KLF16: variants seen among roughly 807,000 people sequenced by gnomAD.
KLF16 encodes Krueppel-like factor 16.
In KLF16, 6 loss-of-function variants were observed where a neutral mutation model predicts 6.1. The observed-to-expected ratio is 0.98, with a 90% CI of 0.54 to 1.93. The LOEUF is 1.93. KLF16 is among the 30% of genes most tolerant of loss of function. The probability of loss-of-function intolerance (pLI) is 0.01; values close to 1 mark genes in which losing one functional copy is unlikely to be tolerated. For missense variants in KLF16, 355 were observed against 363.8 expected (o/e 0.98, Z 0.20); for synonymous variants, 211 against 176.5 (o/e 1.20, Z -1.55).
the KLF16 span, among the ~76,000 whole-genome samples, chr19:1,869,357 G>A: frequency 6.6e-6 from 1 of 152,260 alleles, no homozygotes; most frequent in African/African-American, 2.4e-5. Context: ...GTGGGCGCCT[G>A]TAATCCCAGC....
At chr19:1,873,512 G>A in the KLF16 span, among the ~76,000 whole-genome samples, 1 of 151,856 alleles carries the variant, frequency 6.6e-6, no homozygotes, top group African/African-American at 2.4e-5. Context: ...GTCACCCAGG[G>A]CCCCGTGCTG....
At chr19:1,864,629 G>T (rs1040013566), upstream of KLF16, among the ~76,000 whole-genome samples, 7 of 152,156 alleles carry the variant, frequency 4.6e-5, no homozygotes, top group African/African-American at 1.7e-4. Flanking sequence ...TCCCCGCCCT[G>T]CTGGGACACC....
chr19:1,863,110 G>C lies in KLF16; in HGVS notation c.388C>G (p.Pro130Ala). Residue 130 changes from proline (P) to alanine (A), a missense_variant, in exon 1 of 2, where the codon CCC (proline) becomes GCC (alanine). Physicochemically the swap from Pro to Ala is conservative, Grantham distance 27. Coordinates refer to ENST00000250916, the MANE Select transcript of KLF16 (RefSeq NM_031918.4). Reference sequence around the variant, plus strand: ...TAGGCTTTGGCGCAGTCCGGGAAGGGACAGCGGTGGCTCTTGGCGGCGGCG... The same window carrying C: ...TAGGCTTTGGCGCAGTCCGGGAAGGCACAGCGGTGGCTCTTGGCGGCGGCG... ...PSAAAKSHRC[P>A]FPDCAKAYYK... 1.5e-6 allele frequency: 2 copies of C among 1,372,926 alleles called. No individual in the cohort carries two copies. Among genetic ancestry groups the C allele is most frequent in the Non-Finnish European group, 1.9e-6 (2 of 1,044,230 alleles). The allele number at this position is 1,372,926 out of a possible 1,614,324, so 85.0% of individuals were successfully genotyped here.
chr19:1,858,160 G>A (rs1269816428), intron 1 of KLF16, among the ~76,000 whole-genome samples: 1 of 151,632 alleles, frequency 6.6e-6, no homozygotes, highest in Non-Finnish European at 1.5e-5. Flanking sequence ...ACCTCCCCAC[G>A]TGCCACCTGC....
At chr19:1,873,492 T>C in the KLF16 span, among the ~76,000 whole-genome samples, 2 of 152,152 alleles carry the variant, frequency 1.3e-5, no homozygotes, top group African/African-American at 4.8e-5. Context: ...ACCTGGCTGG[T>C]GTCTGTCCCG....
chr19:1,856,953 G>C (rs1002401421), intron 1 of KLF16, among the ~76,000 whole-genome samples: 3 of 130,316 alleles, frequency 2.3e-5, no homozygotes, highest in East Asian at 2.3e-4. Context: ...AGGTTGCCGG[G>C]GTGGGGGGGG....
rs780427664 is a variant in KLF16, at chr19:1,852,977, G to T, written c.*1482C>A. 1.3e-5 allele frequency: 2 copies of T among 152,228 alleles called. No homozygotes were observed. The highest frequency in any genetic ancestry group is 1.3e-4 in the Admixed American group (2 of 15,274). The allele number at this position is 152,228 out of a possible 1,614,324, so 9.4% of individuals were successfully genotyped here. On this transcript the variant is annotated 3_prime_UTR_variant, in exon 2 of 2. Transcript: ENST00000250916. ...CCAAGCGAGAGGCAGGACGGTTCTG[G>T]AACAAAAGGGGGTACCAAAAACCTC...
At chr19:1,860,672 C>G (rs901326785) in intron 1 of KLF16, among the ~76,000 whole-genome samples, 1 of 152,060 alleles carries the variant, frequency 6.6e-6, no homozygotes, top group Admixed American at 6.5e-5. Flanking sequence ...GGCTCCCTCC[C>G]AAAAAAACGC....
Position 1,863,101 on chromosome 19 carries a change from C to T in KLF16, c.397G>A (p.Asp133Asn). ...AAKSHRCPFP[D>N]CAKAYYKSSH... ...GACTTGTAGTAGGCTTTGGCGCAGT[C>T]CGGGAAGGGACAGCGGTGGCTCTTG... The change falls in exon 1 of 2, where the codon GAC (aspartate) becomes AAC (asparagine). Residue 133 changes from aspartate (D) to asparagine (N), a missense_variant. Transcript: ENST00000250916. 7.2e-7 allele frequency: 1 copy of T among 1,398,374 alleles called. No homozygotes were observed. The highest frequency in any genetic ancestry group is 9.5e-7 in the Non-Finnish European group (1 of 1,057,384). The allele number at this position is 1,398,374 out of a possible 1,614,324, so 86.6% of individuals were successfully genotyped here.
chr19:1,869,117 T>C, the KLF16 span, among the ~76,000 whole-genome samples: 1 of 152,108 alleles, frequency 6.6e-6, no homozygotes, highest in Non-Finnish European at 1.5e-5. Flanking sequence ...GAAAAGACTT[T>C]GGGGGAAAAC....
chr19:1,863,011 C>G, intron 1 of KLF16, 30 bp downstream of exon 1: 3 of 1,262,056 alleles, frequency 2.4e-6, no homozygotes, highest in Non-Finnish European at 3.1e-6. Flanking sequence ...CGGCCGCCCC[C>G]GCAAGGGCCG....
At chr19:1,871,420 G>A in the KLF16 span, among the ~76,000 whole-genome samples, 6 of 152,176 alleles carry the variant, frequency 3.9e-5, no homozygotes, top group Non-Finnish European at 5.9e-5. Context: ...AGTATCTGAC[G>A]GTGTGACCCT....
rs2011866154 is a variant in KLF16 at position 1,852,985 on chromosome 19, G to C, written c.*1474C>G. 1 of 152,242 alleles carries C rather than the reference G, an allele frequency of 6.6e-6. No individual in the cohort carries two copies. Among genetic ancestry groups the C allele is most frequent in the Non-Finnish European group, 1.5e-5 (1 of 68,090 alleles). The allele number at this position is 152,242 out of a possible 1,614,324, so 9.4% of individuals were successfully genotyped here. On this transcript the variant is annotated 3_prime_UTR_variant, in exon 2 of 2. Transcript: ENST00000250916. The stretch of plus-strand genomic sequence containing the variant: ...GAGGCAGGACGGTTCTGGAACAAAA[G>C]GGGGTACCAAAAACCTCCTGCAGCC...
rs994896864 is a variant in KLF16, at chr19:1,863,559, G to C, written c.-62C>G. ...AGGCGGCGGGAGCGGCGTCCGTCCG[G>C]CCGGCGGCGGCTGCTCGAGTGCGGG... On this transcript the variant is annotated 5_prime_UTR_variant, in exon 1 of 2. Transcript: ENST00000250916. 1.6e-5 allele frequency: 13 copies of C among 835,152 alleles called. No homozygotes were observed. Among genetic ancestry groups the C allele is most frequent in the Admixed American group, 1.3e-4 (2 of 15,632 alleles). The allele number at this position is 835,152 out of a possible 1,614,324, so 51.7% of individuals were successfully genotyped here.
At chr19:1,866,691 G>A (rs553807144), upstream of KLF16, among the ~76,000 whole-genome samples, 3 of 148,452 alleles carry the variant, frequency 2.0e-5, no homozygotes, top group African/African-American at 5.0e-5. Context: ...TGGAAGGGTC[G>A]CTTGAGCCCA....
upstream of KLF16, among the ~76,000 whole-genome samples, chr19:1,867,961 TGC>T (rs1049765607): frequency 8.2e-5 from 12 of 146,196 alleles, no homozygotes; most frequent in South Asian, 2.2e-4. Context: ...TGTGTGTGTG[TGC>T]GTGCGCGCAT....
chr19:1,857,809 T>C lies in KLF16; in HGVS notation c.458-3049A>G, dbSNP rs1224472014. Among the ~76,000 whole-genome samples the C allele has an allele frequency of 2.0e-5, 3 of 151,912 alleles. No individual in the cohort carries two copies. The highest frequency in any genetic ancestry group is 4.4e-5 in the Non-Finnish European group (3 of 67,904). Reference sequence around the variant, plus strand: ...GCATCCCAGGAGAGCCAGGAAAGGCTGGGGCTGGGGAGGCCTCTTACCCAC... The same window carrying C: ...GCATCCCAGGAGAGCCAGGAAAGGCCGGGGCTGGGGAGGCCTCTTACCCAC... On this transcript the variant is annotated intron_variant, in intron 1 of 1. Transcript: ENST00000250916. The surrounding 1 kb of genome is among the most constrained non-coding windows in gnomAD (Gnocchi z 4.7).
rs765643147 is a variant in KLF16, at chr19:1,854,741, A to G, written c.477T>C (p.Cys159=). 1.3e-6 allele frequency: 2 copies of G among 1,598,852 alleles called. No homozygotes were observed. The highest frequency in any genetic ancestry group is 3.3e-5 in the Admixed American group (2 of 59,936). The change falls in exon 2 of 2, where the codon TGT becomes TGC. Residue 159 remains cysteine, a synonymous_variant. Transcript: ENST00000250916. ...ACTTCTTGTCGCAGCCCTGCCAGTC[A>G]CAAGCAAAAGGGCGTTCCCCTGGAC... The part of the protein sequence containing the change: ...RTHTGERPFA[C]DWQGCDKKFA...
chr19:1,870,226 G>A, the KLF16 span, among the ~76,000 whole-genome samples: 1 of 150,906 alleles, frequency 6.6e-6, no homozygotes, highest in Non-Finnish European at 1.5e-5. Context: ...CACCACACCC[G>A]GCCAAAACTT....
Sources: gnomAD v4.1 joint callset for allele counts (sites outside exome capture counted in the v4.1 genomes callset) on GRCh38, gnomAD v4.1.1 for gene constraint, Gnocchi (gnomAD v3.1) non-coding constraint, MANE v1.5 for transcripts, NCBI Gene and HGNC (gene_info 2026-07-23, HGNC 2026-07-21) for gene names.